PDE8A: variants seen among roughly 807,000 people sequenced by gnomAD.
The protein encoded by PDE8A is high affinity cAMP-specific and IBMX-insensitive 3',5'-cyclic phosphodiesterase 8A.
In PDE8A, 59 loss-of-function variants were observed where a neutral mutation model predicts 105.0. The observed-to-expected ratio is 0.56, with a 90% CI of 0.46 to 0.70. The LOEUF (loss-of-function observed/expected upper bound fraction) is 0.70. PDE8A is among the 30% of genes least tolerant of loss of function. PDE8A has a pLI of 0.00. For missense variants in PDE8A, 1,014 were observed against 1,045.9 expected (o/e 0.97, Z 0.42); for synonymous variants, 355 against 371.9 (o/e 0.95, Z 0.52).
chr15:85,044,041 A>G (rs1200301769), intron 1 of PDE8A, among the ~76,000 whole-genome samples: 1 of 152,222 alleles, frequency 6.6e-6, no homozygotes. Context: ...TACAGTTTAA[A>G]AAAATGCCTT....
intron 1 of PDE8A, among the ~76,000 whole-genome samples, chr15:85,026,780 AC>A (rs1434710582): frequency 6.6e-6 from 1 of 152,154 alleles, no homozygotes; most frequent in Non-Finnish European, 1.5e-5. Flanking sequence ...AAAAAACAAA[AC>A]AAAACAAAAA....
chr15:85,013,867 G>A, intron 1 of PDE8A, among the ~76,000 whole-genome samples: 1 of 152,140 alleles, frequency 6.6e-6, no homozygotes, highest in East Asian at 1.9e-4. Flanking sequence ...CCAAGTTAGT[G>A]CAGGATGTTT....
chr15:85,113,889 A>C lies in PDE8A; in HGVS notation c.1202A>C (p.Asn401Thr). 3 of 1,612,336 alleles carry C rather than the reference A, an allele frequency of 1.9e-6. No homozygotes were observed. The highest frequency in any genetic ancestry group is 2.5e-6 in the Non-Finnish European group (3 of 1,178,898). The change falls in exon 14 of 22, where the codon AAT becomes ACT. Residue 401 changes from asparagine (N) to threonine (T), a missense_variant. Transcript: ENST00000394553. ...ATAATGTAGGTAATCAATATTATCAATGCTGCCCAGGAAAGTAGTCCCATG... is the reference window on the plus strand; with the variant it reads ...ATAATGTAGGTAATCAATATTATCACTGCTGCCCAGGAAAGTAGTCCCATG... Reference protein sequence around the residue: ...APITKVINIINAAQESSPMPV... With the variant: ...APITKVINIITAAQESSPMPV...
intron 3 of PDE8A, among the ~76,000 whole-genome samples, chr15:85,074,116 G>A (rs756138147): frequency 2.0e-5 from 3 of 152,166 alleles, no homozygotes; most frequent in Non-Finnish European, 2.9e-5. Flanking sequence ...CTGGCTGGTC[G>A]CTAGAGCTGC....
chr15:84,981,457 C>G (rs1340648177), upstream of PDE8A, among the ~76,000 whole-genome samples: 1 of 152,172 alleles, frequency 6.6e-6, no homozygotes, highest in African/African-American at 2.4e-5. Flanking sequence ...CTCGACGGTG[C>G]GGCCCCAGGC....
intron 3 of PDE8A, among the ~76,000 whole-genome samples, chr15:85,073,586 C>G (rs1440098309): frequency 6.6e-6 from 1 of 152,214 alleles, no homozygotes; most frequent in Non-Finnish European, 1.5e-5. Flanking sequence ...GATTTTTCTT[C>G]TAAAAAGCTG....
chr15:85,028,477 A>G (rs1254232621), intron 1 of PDE8A, among the ~76,000 whole-genome samples: 1 of 152,138 alleles, frequency 6.6e-6, no homozygotes, highest in Non-Finnish European at 1.5e-5. Context: ...AGCCTCGCCA[A>G]GTGCTGGGAT....
At chr15:85,019,026 G>A (rs1051013663) in intron 1 of PDE8A, among the ~76,000 whole-genome samples, 1 of 152,168 alleles carries the variant, frequency 6.6e-6, no homozygotes, top group Admixed American at 6.5e-5. Context: ...TAGCAGTATA[G>A]TTACTTGGGA....
intron 1 of PDE8A, among the ~76,000 whole-genome samples, chr15:84,982,714 C>G (rs2079737485): frequency 6.6e-6 from 1 of 152,190 alleles, no homozygotes; most frequent in South Asian, 2.1e-4. Flanking sequence ...GATATTCTGG[C>G]GCGCCCCTGC....
intron 3 of PDE8A, among the ~76,000 whole-genome samples, chr15:85,067,486 A>G (rs2081247833): frequency 6.6e-6 from 1 of 152,216 alleles, no homozygotes; most frequent in Non-Finnish European, 1.5e-5. Flanking sequence ...CTTGTATATT[A>G]GTGCAGTAAG....
At chr15:85,067,368 CTTTTG>C (rs1161917518) in intron 3 of PDE8A, among the ~76,000 whole-genome samples, 164 bp downstream of exon 3, 5 of 152,146 alleles carry the variant, frequency 3.3e-5, no homozygotes, top group East Asian at 1.9e-4. Flanking sequence ...ATGCATATCT[CTTTTG>C]TTTTGTCTTG....
intron 1 of PDE8A, among the ~76,000 whole-genome samples, chr15:85,052,580 T>C (rs1015512984): frequency 6.6e-6 from 1 of 152,240 alleles, no homozygotes; most frequent in African/African-American, 2.4e-5. Flanking sequence ...CCAGTGATGA[T>C]GAGCATTTTT....
chr15:84,994,973 A>AG (rs1567219298), intron 1 of PDE8A, among the ~76,000 whole-genome samples: 1 of 151,928 alleles, frequency 6.6e-6, no homozygotes, highest in African/African-American at 2.4e-5. Context: ...AAAAAAAAAA[A>AG]AGAGAGAAAA....
chr15:85,020,868 A>G (rs1288951728), intron 1 of PDE8A, among the ~76,000 whole-genome samples: 2 of 152,162 alleles, frequency 1.3e-5, no homozygotes. Flanking sequence ...GACATTCTCT[A>G]TTATCAATAC....
chr15:85,006,928 G>A (rs1036372076), intron 1 of PDE8A, among the ~76,000 whole-genome samples: 7 of 152,172 alleles, frequency 4.6e-5, no homozygotes, highest in African/African-American at 1.7e-4. Context: ...GAGTGGTTGG[G>A]GACATGGAGA....
rs776354659 is a variant in PDE8A, at chr15:85,136,623, C to T, written c.2343C>T (p.Phe781=). The T allele has an allele frequency of 1.2e-6, 2 of 1,613,740 alleles. No individual in the cohort carries two copies. The highest frequency in any genetic ancestry group is 3.3e-5 in the Admixed American group (2 of 60,004). Residue 781 remains phenylalanine (F), a synonymous_variant, in exon 21 of 22, where the codon TTC becomes TTT. Coordinates refer to ENST00000394553, the MANE Select transcript of PDE8A (RefSeq NM_002605.3). Reference sequence around the variant, plus strand: ...GCATCCCCAAATCCCAAATCTCTTTCATTGATTACTTCATCACAGACATGT... The same window carrying T: ...GCATCCCCAAATCCCAAATCTCTTTTATTGATTACTTCATCACAGACATGT... The part of the protein sequence containing the change: ...TCSIPKSQIS[F]IDYFITDMFD...
At chr15:85,027,350 A>G (rs1023754649) in intron 1 of PDE8A, among the ~76,000 whole-genome samples, 1 of 152,230 alleles carries the variant, frequency 6.6e-6, no homozygotes, top group Non-Finnish European at 1.5e-5. Context: ...CTGGAAGCCC[A>G]AGAACTATTC....
intron 21 of PDE8A, among the ~76,000 whole-genome samples, 179 bp downstream of exon 21, chr15:85,136,842 G>T (rs533662174): frequency 4.4e-4 from 67 of 152,264 alleles, no homozygotes; most frequent in Admixed American, 9.8e-4. Flanking sequence ...AACACTCCCC[G>T]CAGGCATAGG....
chr15:85,130,778 T>C (rs545005389), intron 20 of PDE8A, among the ~76,000 whole-genome samples: 5 of 152,342 alleles, frequency 3.3e-5, no homozygotes, highest in Admixed American at 2.0e-4. Context: ...TCCTGATGAA[T>C]TGACCCTTTT....
Sources: allele counts gnomAD v4.1 joint callset (sites outside exome capture counted in the v4.1 genomes callset), GRCh38; gene constraint gnomAD v4.1.1; transcripts MANE v1.5; gene names NCBI Gene and HGNC (gene_info 2026-07-23, HGNC 2026-07-21).